The following AOPEP variants were observed in gnomAD, a reference collection of about 807,000 sequenced individuals.
The protein encoded by AOPEP is aminopeptidase O.
In AOPEP, 77 loss-of-function variants were observed where a neutral mutation model predicts 98.1. The ratio of observed to expected loss-of-function variants is 0.78; its 90% CI spans 0.65 to 0.95. The LOEUF (loss-of-function observed/expected upper bound fraction) is 0.95, where lower values mean the gene tolerates loss of function less well. AOPEP is among the 40% of genes least tolerant of loss of function. The probability of loss-of-function intolerance (pLI) is 0.00; values close to 1 mark genes in which losing one functional copy is unlikely to be tolerated. For missense variants in AOPEP, 1,024 were observed against 1,024.7 expected (o/e 1.00, Z 0.01); for synonymous variants, 346 against 365.3 (o/e 0.95, Z 0.60).
intron 5 of AOPEP, among the ~76,000 whole-genome samples, chr9:94,867,243 C>T (rs1006062448): frequency 2.0e-5 from 3 of 152,198 alleles, no homozygotes; most frequent in Admixed American, 1.3e-4. Flanking sequence ...TTTTATACAA[C>T]GCTTAATGTA....
chr9:94,837,690 C>T (rs1412304990), intron 5 of AOPEP, among the ~76,000 whole-genome samples: 1 of 152,120 alleles, frequency 6.6e-6, no homozygotes, highest in Non-Finnish European at 1.5e-5. Context: ...GCAGAATAAG[C>T]ATTTGACAAA....
At chr9:95,029,630 T>G (rs1228768717) in intron 13 of AOPEP, among the ~76,000 whole-genome samples, 1 of 152,216 alleles carries the variant, frequency 6.6e-6, no homozygotes, top group Non-Finnish European at 1.5e-5. Flanking sequence ...CCAGTATTTG[T>G]TGTCCTTCTT....
intron 5 of AOPEP, chr9:94,920,335 T>A (rs943052605): frequency 6.6e-6 from 1 of 152,184 alleles, no homozygotes; most frequent in South Asian, 2.1e-4. Context: ...AAAAAAAAAA[T>A]GTAAACTTGC....
intron 5 of AOPEP, among the ~76,000 whole-genome samples, chr9:94,907,727 A>G (rs1170420353): frequency 6.6e-6 from 1 of 152,086 alleles, no homozygotes; most frequent in Non-Finnish European, 1.5e-5. Flanking sequence ...ACCCCTCTTC[A>G]GACTAGAATT....
At chr9:94,905,698 GCA>G (rs948234548) in intron 5 of AOPEP, among the ~76,000 whole-genome samples, 12 of 152,206 alleles carry the variant, frequency 7.9e-5, no homozygotes, top group African/African-American at 2.9e-4. Context: ...GGAAACACAT[GCA>G]CACACACTCA....
At chr9:94,750,571 G>A (rs904868726) in intron 1 of AOPEP, among the ~76,000 whole-genome samples, 2 of 151,850 alleles carry the variant, frequency 1.3e-5, no homozygotes, top group Non-Finnish European at 1.5e-5. Flanking sequence ...GCGACAGAGC[G>A]AGACTCCGTC....
intron 5 of AOPEP, among the ~76,000 whole-genome samples, chr9:94,843,102 C>A (rs1294049071): frequency 1.3e-5 from 2 of 152,176 alleles, no homozygotes; most frequent in Non-Finnish European, 2.9e-5. Flanking sequence ...GCCTTTCTCT[C>A]TCTCTGGGAC....
At chr9:94,985,879 C>T (rs879737837) in intron 11 of AOPEP, among the ~76,000 whole-genome samples, 1 of 152,198 alleles carries the variant, frequency 6.6e-6, no homozygotes, top group Non-Finnish European at 1.5e-5. Flanking sequence ...CAGTCACTTC[C>T]GTTCATCCAA....
chr9:94,767,443 GC>G (rs1752425110), intron 2 of AOPEP, among the ~76,000 whole-genome samples: 1 of 152,336 alleles, frequency 6.6e-6, no homozygotes, highest in Admixed American at 6.5e-5. Context: ...AAATCGCAGT[GC>G]CCCGTATCAC....
chr9:94,884,239 G>T (rs1280184432), intron 5 of AOPEP, among the ~76,000 whole-genome samples: 1 of 152,180 alleles, frequency 6.6e-6, no homozygotes, highest in Non-Finnish European at 1.5e-5. Context: ...GTCTCAGATT[G>T]TTCCTTGATA....
At chr9:95,064,265 T>C (rs115633245) in intron 14 of AOPEP, among the ~76,000 whole-genome samples, 1,589 of 152,332 alleles carry the variant, frequency 0.01, 31 homozygotes, top group African/African-American at 0.037. Context: ...CTGCAGACCC[T>C]GTGTAATGGG....
At chr9:94,746,025 C>G (rs1834407214) in intron 1 of AOPEP, among the ~76,000 whole-genome samples, 1 of 152,156 alleles carries the variant, frequency 6.6e-6, no homozygotes, top group African/African-American at 2.4e-5. Context: ...CACATCGTTG[C>G]TTGCGTTCGT....
intron 1 of AOPEP, among the ~76,000 whole-genome samples, chr9:94,747,916 G>A (rs1834882379): frequency 1.3e-5 from 2 of 152,180 alleles, no homozygotes; most frequent in East Asian, 1.9e-4. Context: ...GATGGTTAGT[G>A]TTTTAGAATA....
intron 5 of AOPEP, among the ~76,000 whole-genome samples, chr9:94,829,983 G>A (rs1471517318): frequency 6.6e-6 from 1 of 152,196 alleles, no homozygotes; most frequent in Non-Finnish European, 1.5e-5. Flanking sequence ...AATTAGGAGA[G>A]TGACTGCATG....
At chr9:94,806,760 A>G (rs1309304801) in intron 5 of AOPEP, among the ~76,000 whole-genome samples, 1 of 152,244 alleles carries the variant, frequency 6.6e-6, no homozygotes, top group Non-Finnish European at 1.5e-5. Flanking sequence ...TGGGACCCTG[A>G]AAGCCCTTGG....
chr9:95,024,941 GTTTTAC>G (rs2063726212), intron 13 of AOPEP, among the ~76,000 whole-genome samples: 1 of 151,500 alleles, frequency 6.6e-6, no homozygotes, highest in Non-Finnish European at 1.5e-5. Context: ...CCAATGAACT[GTTTTAC>G]TTTATTAGCT....
At chr9:94,963,981 G>T (rs1342741628) in intron 9 of AOPEP, among the ~76,000 whole-genome samples, 1 of 152,176 alleles carries the variant, frequency 6.6e-6, no homozygotes, top group African/African-American at 2.4e-5. Flanking sequence ...GTTAAAGATG[G>T]AATCTATGAC....
chr9:94,924,275 C>A, intron 6 of AOPEP, 100 bp downstream of exon 6: 1 of 990,002 alleles, frequency 1.0e-6, no homozygotes, highest in Non-Finnish European at 1.3e-6. Flanking sequence ...CTACTATGCA[C>A]TAGGCACAAA....
At chr9:94,740,536 A>G (rs1008074899) in intron 1 of AOPEP, among the ~76,000 whole-genome samples, 1 of 152,148 alleles carries the variant, frequency 6.6e-6, no homozygotes, top group Non-Finnish European at 1.5e-5. Context: ...TTTTGGGAGC[A>G]TTTTCTTATT....
Sources: allele counts gnomAD v4.1 joint callset (sites outside exome capture counted in the v4.1 genomes callset), GRCh38; gene constraint gnomAD v4.1.1; transcripts MANE v1.5; gene names NCBI Gene and HGNC (gene_info 2026-07-23, HGNC 2026-07-21).